The following CACNB2 variants were observed in gnomAD, a reference collection of about 807,000 sequenced individuals.
CACNB2 encodes the protein calcium voltage-gated channel auxiliary subunit beta 2, also known as voltage-dependent L-type calcium channel subunit beta-2.
CACNB2 carries 42 observed loss-of-function variants against 73.3 expected under a neutral mutation model. The observed-to-expected ratio is 0.57, with a 90% confidence interval of 0.45 to 0.74. The LOEUF (loss-of-function observed/expected upper bound fraction) is 0.74, where lower values mean the gene tolerates loss of function less well. CACNB2 is among the 30% of genes least tolerant of loss of function. CACNB2 has a pLI of 0.00. For synonymous variants in CACNB2, 348 were observed against 310.3 expected (o/e 1.12, Z -1.28); for missense variants, 940 against 853.0 (o/e 1.10, Z -1.27).
At chr10:18,495,671 C>G (rs1260127513) in intron 3 of CACNB2, among the ~76,000 whole-genome samples, 1 of 151,226 alleles carries the variant, frequency 6.6e-6, no homozygotes, top group Non-Finnish European at 1.5e-5. Flanking sequence ...CCATGCCCTC[C>G]CAAAGTGTTG....
chr10:18,363,064 CCT>C (rs1187316656), intron 2 of CACNB2, among the ~76,000 whole-genome samples: 2 of 152,174 alleles, frequency 1.3e-5, no homozygotes, highest in African/African-American at 2.4e-5. Flanking sequence ...ACCTGTCTCT[CCT>C]CTCTGTCATA....
rs1564378580 is a variant in CACNB2 at position 18,253,309 on chromosome 10, C to T, written c.213+102334C>T. On this transcript the variant is annotated intron_variant, in intron 2 of 13. Coordinates refer to ENST00000324631, the MANE Select transcript of CACNB2 (RefSeq NM_201596.3). The stretch of plus-strand genomic sequence containing the variant: ...TAAGGTAAGTCAGATACTGGTGGGG[C>T]TGAGTACATAGCAATATTTATGACA... Among the ~76,000 whole-genome samples the T allele has an allele frequency of 2.0e-5, 3 of 152,142 alleles. No homozygotes were observed. The East Asian group carries it at 5.8e-4, about 29-fold the overall frequency.
chr10:18,439,556 A>G (rs1450829302), intron 3 of CACNB2, among the ~76,000 whole-genome samples: 1 of 152,184 alleles, frequency 6.6e-6, no homozygotes, highest in Admixed American at 6.5e-5. Flanking sequence ...TTCTCCAAGT[A>G]TTCTGAATTG....
intron 3 of CACNB2, among the ~76,000 whole-genome samples, chr10:18,432,742 G>A (rs946011183): frequency 6.6e-5 from 10 of 152,050 alleles, no homozygotes; most frequent in African/African-American, 1.2e-4. Context: ...AGGCTAAGGC[G>A]GGAGGATGGC....
At chr10:18,217,343 G>A (rs565381017) in intron 2 of CACNB2, among the ~76,000 whole-genome samples, 4 of 152,152 alleles carry the variant, frequency 2.6e-5, no homozygotes, top group African/African-American at 9.6e-5. Context: ...AATTAACCAG[G>A]CAGAGTGGTG....
chr10:18,390,306 G>A (rs2043409558), intron 2 of CACNB2, among the ~76,000 whole-genome samples: 1 of 152,208 alleles, frequency 6.6e-6, no homozygotes, highest in African/African-American at 2.4e-5. Context: ...TCCACCTCCC[G>A]AGTTCAAGTG....
intron 3 of CACNB2, among the ~76,000 whole-genome samples, chr10:18,476,676 G>C (rs1165222433): frequency 6.6e-6 from 1 of 152,118 alleles, no homozygotes; most frequent in Non-Finnish European, 1.5e-5. Context: ...CTTGGCCCCA[G>C]ACCAGCCTGA....
rs2039483187 is a variant in CACNB2 at position 18,300,881 on chromosome 10, C to A, written c.214-101043C>A. 2.0e-5 allele frequency among the ~76,000 whole-genome samples: 3 copies of A among 152,022 alleles called. No individual in the cohort carries two copies. In the South Asian group the frequency reaches 6.2e-4, roughly 32 times the overall value. ...TAAAAATAAAAAGCGCAATCCAAAT[C>A]AACAATGATGCATTGACTTCTGGGA... On this transcript the variant is annotated intron_variant, in intron 2 of 13. Transcript: ENST00000324631.
chr10:18,314,799 T>C (rs1203846235), intron 2 of CACNB2, among the ~76,000 whole-genome samples: 1 of 152,132 alleles, frequency 6.6e-6, no homozygotes, highest in East Asian at 1.9e-4. Context: ...ACAGTAGCAA[T>C]ACCAGTGCAC....
rs777583393 is a variant in CACNB2, at chr10:18,539,742, T to G, written c.*18T>G. The G allele has an allele frequency of 2.8e-4, 94 of 336,364 alleles. No individual in the cohort carries two copies. The highest frequency in any genetic ancestry group is 3.2e-4 in the Non-Finnish European group (86 of 271,920). 20.8% of individuals were successfully genotyped at this position (336,364 alleles called of 1,614,324 possible). A position where few individuals can be genotyped will look rare whatever the true frequency, so the allele number is the denominator to read the frequency against. The stretch of plus-strand genomic sequence containing the variant: ...GCCAATGAGTTTTGCCCGTTTGTGT[T>G]TTTTTTTTTTTTTTTTTGAAGTCTT... On this transcript the variant is annotated 3_prime_UTR_variant, in exon 14 of 14. Transcript: ENST00000324631.
chr10:18,539,108 G>GT, intron 13 of CACNB2, 122 bp from the exon 14 acceptor site: 4 of 1,229,328 alleles, frequency 3.3e-6, no homozygotes, highest in Non-Finnish European at 4.8e-6. Flanking sequence ...ATGAAGCTAG[G>GT]TTAGACTTCA....
intron 2 of CACNB2, among the ~76,000 whole-genome samples, chr10:18,170,246 T>C (rs1375224247): frequency 4.6e-5 from 7 of 152,148 alleles, no homozygotes; most frequent in Non-Finnish European, 7.3e-5. Context: ...GGAGGAGGAA[T>C]GAATGGATGT....
chr10:18,206,613 C>T (rs77573558), intron 2 of CACNB2: 1,619 of 152,406 alleles, frequency 0.011, 24 homozygotes, highest in African/African-American at 0.034. Context: ...AGGAGCAAGA[C>T]GCAGGCTGCG....
intron 2 of CACNB2, among the ~76,000 whole-genome samples, chr10:18,219,420 A>C (rs931569148): frequency 2.6e-5 from 4 of 152,202 alleles, no homozygotes; most frequent in Non-Finnish European, 5.9e-5. Context: ...CCTTCTGAGA[A>C]AAGTCAGCCT....
chr10:18,327,703 TGA>T, intron 2 of CACNB2, among the ~76,000 whole-genome samples: 1 of 152,298 alleles, frequency 6.6e-6, no homozygotes. Flanking sequence ...GGATTACAGG[TGA>T]GGCATGAGCC....
intron 3 of CACNB2, among the ~76,000 whole-genome samples, chr10:18,480,757 C>A (rs2048682932): frequency 6.6e-6 from 1 of 152,074 alleles, no homozygotes; most frequent in African/African-American, 2.4e-5. Context: ...CGAATTTATC[C>A]CCTGCTGGTG....
intron 2 of CACNB2, among the ~76,000 whole-genome samples, chr10:18,307,982 A>ATTTT (rs1564423318): frequency 1.1e-4 from 6 of 52,658 alleles, no homozygotes; most frequent in African/African-American, 1.8e-4. Context: ...ATATATGCCA[A>ATTTT]CTTTTTTTTT....
chr10:18,521,374 T>C (rs1365726165), intron 9 of CACNB2, among the ~76,000 whole-genome samples: 3 of 152,134 alleles, frequency 2.0e-5, no homozygotes, highest in Non-Finnish European at 2.9e-5. Flanking sequence ...GTGTGAAGGC[T>C]TTGAGGTATG....
intron 2 of CACNB2, among the ~76,000 whole-genome samples, chr10:18,165,145 G>A (rs2032759558): frequency 1.3e-5 from 2 of 152,150 alleles, no homozygotes; most frequent in Non-Finnish European, 2.9e-5. Flanking sequence ...CTACTGTTGG[G>A]AAGAAGAGGG....
Sources: gnomAD v4.1 joint callset for allele counts (sites outside exome capture counted in the v4.1 genomes callset) on GRCh38, gnomAD v4.1.1 for gene constraint, MANE v1.5 for transcripts, NCBI Gene and HGNC (gene_info 2026-07-23, HGNC 2026-07-21) for gene names.